The following SLC35G2 variants were observed in gnomAD, a reference collection of about 807,000 sequenced individuals.
SLC35G2 encodes solute carrier family 35 member G2, also known as transmembrane protein 22.
A neutral mutation model predicts 27.2 loss-of-function variants in SLC35G2; 20 were observed. That is an observed-to-expected ratio of 0.74 (90% CI 0.52 to 1.07). SLC35G2 has a LOEUF of 1.07. Among genes scored for constraint, SLC35G2 ranks in the 50% least tolerant of loss-of-function variants. SLC35G2 has a pLI of 0.00. For missense variants in SLC35G2, 416 were observed against 493.3 expected (o/e 0.84, Z 1.48); for synonymous variants, 148 against 165.3 (o/e 0.90, Z 0.80).
chr3:136,841,403 C>T (rs1355080341), intron 1 of SLC35G2, among the ~76,000 whole-genome samples: 1 of 152,018 alleles, frequency 6.6e-6, no homozygotes, highest in Non-Finnish European at 1.5e-5. Flanking sequence ...AGTCAGATAT[C>T]AGTTCCCTAC....
chr3:136,821,103 G>A (rs1463005205), intron 1 of SLC35G2, among the ~76,000 whole-genome samples: 1 of 151,998 alleles, frequency 6.6e-6, no homozygotes, highest in Admixed American at 6.6e-5. Context: ...AAAAACATTG[G>A]TATTGTTTTT....
At chr3:136,854,360 A>G (rs1560021711) in intron 1 of SLC35G2, 83 bp from the exon 2 acceptor site, 7 of 893,108 alleles carry the variant, frequency 7.8e-6, no homozygotes, top group Non-Finnish European at 1.2e-5. Context: ...ACTTTCTATC[A>G]TTGAATTGAT....
At chr3:136,832,696 G>A (rs1044700116) in intron 1 of SLC35G2, among the ~76,000 whole-genome samples, 2 of 152,220 alleles carry the variant, frequency 1.3e-5, no homozygotes, top group Admixed American at 1.3e-4. Context: ...TAGCTGATGT[G>A]ATGTCAGACT....
chr3:136,844,169 C>T (rs1296463996), intron 1 of SLC35G2, among the ~76,000 whole-genome samples: 4 of 150,000 alleles, frequency 2.7e-5, no homozygotes, highest in African/African-American at 9.9e-5. Context: ...TCCAGCCTGG[C>T]GACAGAGTGA....
rs1936388848 is a variant in SLC35G2 at position 136,819,447 on chromosome 3, C to T, written c.-200C>T. ...GCACGACGCCTGAAAGGCCGCGGGG[C>T]CCGCATTTCTCTGTGCTGCCCTCCT... On this transcript the variant is annotated 5_prime_UTR_variant, in exon 1 of 2. Transcript: ENST00000446465. 6.6e-6 allele frequency: 1 copy of T among 152,320 alleles called. No individual in the cohort carries two copies. Among genetic ancestry groups the T allele is most frequent in the Non-Finnish European group, 1.5e-5 (1 of 68,110 alleles). 9.4% of individuals were successfully genotyped at this position (152,320 alleles called of 1,614,324 possible).
intron 1 of SLC35G2, among the ~76,000 whole-genome samples, chr3:136,830,721 T>C (rs566199829): frequency 2.4e-4 from 37 of 152,310 alleles, no homozygotes; most frequent in Admixed American, 2.3e-3. Context: ...GCCCACATCA[T>C]TTCTTTTTAT....
At chr3:136,826,236 ACT>A (rs1236428553) in intron 1 of SLC35G2, among the ~76,000 whole-genome samples, 1 of 151,682 alleles carries the variant, frequency 6.6e-6, no homozygotes, top group Non-Finnish European at 1.5e-5. Flanking sequence ...CAGGGGTTTC[ACT>A]GTGTTAGTCA....
intron 1 of SLC35G2, among the ~76,000 whole-genome samples, chr3:136,826,399 C>T (rs1936587563): frequency 6.6e-6 from 1 of 152,064 alleles, no homozygotes; most frequent in South Asian, 2.1e-4. Context: ...GATACAAAAT[C>T]AACATACAAA....
chr3:136,826,270 C>T (rs889544892), intron 1 of SLC35G2, among the ~76,000 whole-genome samples: 10 of 151,344 alleles, frequency 6.6e-5, no homozygotes, highest in Admixed American at 2.0e-4. Flanking sequence ...ATCTCCTGAC[C>T]TCGTGATCCG....
chr3:136,852,336 A>G (rs1041286750), intron 1 of SLC35G2, among the ~76,000 whole-genome samples: 5 of 152,126 alleles, frequency 3.3e-5, no homozygotes, highest in African/African-American at 9.7e-5. Context: ...TTTAGAAAAG[A>G]AAGGAGTAAA....
Position 136,854,729 on chromosome 3 carries a change from T to A in SLC35G2, c.269T>A (p.Phe90Tyr). ...CCAATGATCAATGAGATTGGACAAT[T>A]CCAGAGCTTTGCAGAAAAAAACATT... ...EDPMINEIGQ[F>Y]QSFAEKNIFQ... is the part of the protein sequence containing the mutation. The change falls in exon 2 of 2, where the codon TTC becomes TAC. Residue 90 changes from phenylalanine to tyrosine, a missense_variant. Coordinates refer to ENST00000446465, the MANE Select transcript of SLC35G2 (RefSeq NM_025246.3). 1.2e-6 allele frequency: 2 copies of A among 1,614,092 alleles called. No individual in the cohort carries two copies. Among genetic ancestry groups the A allele is most frequent in the African/African-American group, 1.3e-5 (1 of 75,020 alleles).
In SLC35G2 at chr3:136,850,693, TA is replaced by T. The variant is rs112737116; in HGVS notation, c.-18-3738del. ...CCAAAAATATACAAAGTTGTTGAAT[TA>T]AAAAAAAAAAATAATGCAGCTGGGC... On this transcript the variant is annotated intron_variant, in intron 1 of 1. Coordinates refer to ENST00000446465, the MANE Select transcript of SLC35G2 (RefSeq NM_025246.3). 5.4e-3 allele frequency among the ~76,000 whole-genome samples: 795 copies of T among 145,922 alleles called. 6 individuals are homozygous for T. Among genetic ancestry groups the T allele is most frequent in the African/African-American group, 0.012 (469 of 40,106 alleles).
At position 136,855,748 on chromosome 3, in the gene SLC35G2, C is replaced by A. The variant is rs772134735; in HGVS notation, c.*49C>A. 15 of 1,355,592 alleles carry A rather than the reference C, an allele frequency of 1.1e-5. No homozygotes were observed. Among genetic ancestry groups the A allele is most frequent in the Non-Finnish European group, 1.5e-5 (14 of 949,158 alleles). The allele number at this position is 1,355,592 out of a possible 1,614,324, so 84.0% of individuals were successfully genotyped here. ...TAATGTTCAGTTATTATGTATACTG[C>A]CATTTTAATGTTTACCTATGAATGT... On this transcript the variant is annotated 3_prime_UTR_variant, in exon 2 of 2. Coordinates refer to ENST00000446465, the MANE Select transcript of SLC35G2 (RefSeq NM_025246.3).
At chr3:136,831,725 G>C (rs951779190) in intron 1 of SLC35G2, among the ~76,000 whole-genome samples, 1 of 152,140 alleles carries the variant, frequency 6.6e-6, no homozygotes, top group Non-Finnish European at 1.5e-5. Flanking sequence ...TGACAGCCTG[G>C]GTTTGAAGCC....
chr3:136,820,852 A>G (rs1936439335), intron 1 of SLC35G2, among the ~76,000 whole-genome samples: 1 of 152,224 alleles, frequency 6.6e-6, no homozygotes, highest in Non-Finnish European at 1.5e-5. Context: ...ATTTATACTC[A>G]TTTACATTCC....
Position 136,855,884 on chromosome 3 carries a change from C to A in SLC35G2, c.*185C>A. On this transcript the variant is annotated 3_prime_UTR_variant, in exon 2 of 2. Coordinates refer to ENST00000446465, the MANE Select transcript of SLC35G2 (RefSeq NM_025246.3). ...ATACAAATATTAAATATATGAAATA[C>A]GTTATGAATCTGGTATCTTTATTGG... The A allele has an allele frequency of 2.0e-6, 1 of 492,640 alleles. No individual in the cohort carries two copies. 30.5% of individuals were successfully genotyped at this position (492,640 alleles called of 1,614,324 possible).
chr3:136,841,830 A>T (rs1345432459), intron 1 of SLC35G2: 1 of 152,130 alleles, frequency 6.6e-6, no homozygotes, highest in Non-Finnish European at 1.5e-5. Context: ...ATAAATACCT[A>T]AGAGTCACCA....
intron 1 of SLC35G2, among the ~76,000 whole-genome samples, chr3:136,850,423 A>G (rs894929885): frequency 2.9e-4 from 44 of 152,074 alleles, no homozygotes; most frequent in Non-Finnish European, 8.8e-5. Context: ...TGATGTATAT[A>G]TATCCTTACC....
intron 1 of SLC35G2, among the ~76,000 whole-genome samples, chr3:136,844,501 A>C (rs181557837): frequency 8.6e-4 from 130 of 150,934 alleles, no homozygotes; most frequent in African/African-American, 2.7e-3. Flanking sequence ...AAAAAAAAAA[A>C]AACAACAAAT....
Sources: allele counts gnomAD v4.1 joint callset (sites outside exome capture counted in the v4.1 genomes callset), GRCh38; gene constraint gnomAD v4.1.1; transcripts MANE v1.5; gene names NCBI Gene and HGNC (gene_info 2026-07-23, HGNC 2026-07-21).